Variants in CDH26 observed in about 807,000 individuals in gnomAD.
CDH26 encodes the protein cadherin-like protein 26.
In CDH26, 83 loss-of-function variants were observed where a neutral mutation model predicts 90.3. The observed-to-expected ratio is 0.92, with a 90% CI of 0.77 to 1.10. The LOEUF (loss-of-function observed/expected upper bound fraction) is 1.10, where lower values mean the gene tolerates loss of function less well. CDH26 is among the 50% of genes least tolerant of loss of function. The pLI, the probability that CDH26 is intolerant of heterozygous loss-of-function variation, is 0.00. For synonymous variants in CDH26, 397 were observed against 396.3 expected, an observed-to-expected ratio of 1.00 and a Z score of -0.02; for missense variants, 1,013 against 1,037.6, an observed-to-expected ratio of 0.98 and a Z score of 0.33.
chr20:59,996,230 C>A, intron 12 of CDH26, 176 bp downstream of exon 12: 1 of 1,008,924 alleles, frequency 9.9e-7, no homozygotes, highest in Non-Finnish European at 1.4e-6. Context: ...GCCATGCTGG[C>A]CAGGCAAGAT....
At chr20:59,980,572 A>G (rs1358771217) in intron 4 of CDH26, among the ~76,000 whole-genome samples, 1 of 152,212 alleles carries the variant, frequency 6.6e-6, no homozygotes, top group African/African-American at 2.4e-5. Context: ...TGCTGGGATT[A>G]CAGGCATGAG....
At position 59,992,495 on chromosome 20, in the gene CDH26, A is replaced by T. The variant is rs772375570; in HGVS notation, c.1401A>T (p.Val467=). The T allele has an allele frequency of 2.5e-6, 4 of 1,614,068 alleles. No individual in the cohort carries two copies. The Admixed American group carries it at 6.7e-5, about 27-fold the overall frequency. ...ESPHVNNSFY[V]IIIHAVDDGF... is the part of the protein sequence containing the mutation. ...CTCATGTAAATAACAGTTTTTATGT[A>T]ATCATCATTCACGCTGTTGATGATG... The change falls in exon 10 of 18, where the codon GTA becomes GTT. Residue 467 remains valine, a synonymous_variant. Transcript: ENST00000348616. The surrounding 1 kb of genome is among the most constrained non-coding windows in gnomAD (Gnocchi z 5.0).
rs6071044 is a variant in CDH26 at position 59,958,704 on chromosome 20, G to T, written c.-23G>T. Reference sequence around the variant, plus strand: ...GGACTGGTCATCAGCTGCACGTTCTGGGTCTGTCTTGGGTATTCCCATATG... The same window carrying T: ...GGACTGGTCATCAGCTGCACGTTCTTGGTCTGTCTTGGGTATTCCCATATG... On this transcript the variant is annotated 5_prime_UTR_variant, in exon 1 of 18. Transcript: ENST00000348616. 68,594 of 1,613,022 alleles carry T rather than the reference G, an allele frequency of 0.043. 1,648 individuals are homozygous for T. The highest frequency in any genetic ancestry group is 0.068 in the Middle Eastern group (413 of 6,058).
intron 8 of CDH26, among the ~76,000 whole-genome samples, chr20:59,988,339 G>C (rs1185787890): frequency 6.6e-6 from 1 of 152,162 alleles, no homozygotes; most frequent in Non-Finnish European, 1.5e-5. Context: ...GTCACCTGGC[G>C]ACAAGGCAGA....
chr20:60,012,543 A>G lies in CDH26; in HGVS notation c.2312A>G (p.Asn771Ser), dbSNP rs556979366. The G allele has an allele frequency of 3.1e-6, 5 of 1,612,870 alleles. No individual in the cohort carries two copies. Among genetic ancestry groups the G allele is most frequent in the African/African-American group, 1.3e-5 (1 of 74,982 alleles). ...TTTCCCCAGAAACTCCATGTTGCCA[A>G]TGTGCTGGAAGATGACCCCGGCTAC... ...ETLNQKLHVA[N>S]VLEDDPGYLP... The change falls in exon 18 of 18, where the codon AAT becomes AGT. Residue 771 changes from asparagine to serine, a missense_variant. By Grantham distance (46) the Asn-to-Ser change is conservative. Coordinates refer to ENST00000348616, the MANE Select transcript of CDH26 (RefSeq NM_177980.4).
At chr20:59,998,530 G>A (rs1184231941) in intron 13 of CDH26, among the ~76,000 whole-genome samples, 1 of 152,136 alleles carries the variant, frequency 6.6e-6, no homozygotes, top group Non-Finnish European at 1.5e-5. Flanking sequence ...CTATGCCAGT[G>A]GGACAAGAGA....
intron 4 of CDH26, 82 bp from the exon 5 acceptor site, chr20:59,982,841 C>A: frequency 6.7e-7 from 1 of 1,497,252 alleles, no homozygotes; most frequent in Non-Finnish European, 9.1e-7. Flanking sequence ...AGACGTAACA[C>A]ATAATTAGGA....
chr20:60,027,255 G>A (rs1241141467), intron 7 of CDH26, among the ~76,000 whole-genome samples: 1 of 152,114 alleles, frequency 6.6e-6, no homozygotes, highest in African/African-American at 2.4e-5. Context: ...AGTGGTGGGA[G>A]GGTGATGGTC....
chr20:59,968,747 T>C (rs1392270918), intron 1 of CDH26, among the ~76,000 whole-genome samples: 1 of 152,158 alleles, frequency 6.6e-6, no homozygotes, highest in Admixed American at 6.5e-5. Flanking sequence ...CCATTGGTAA[T>C]AATAAATCAG....
chr20:60,012,716 G>A lies in CDH26; in HGVS notation c.2485G>A (p.Gly829Ser), dbSNP rs775263918. 2.5e-5 allele frequency: 41 copies of A among 1,613,188 alleles called. No individual in the cohort carries two copies. In the Admixed American group the frequency reaches 5.2e-4, roughly 20 times the overall value. The change falls in exon 18 of 18, where the codon GGT becomes AGT. Residue 829 changes from glycine to serine, a missense_variant. By Grantham distance (56) the Gly-to-Ser change is moderately conservative. Transcript: ENST00000348616. ...GTTTGAGGAAATATATTCAGAGTCA[G>A]GTGTTCCTTCCTAAAAAAAAAAGTC... ...TPFEEIYSES[G>S]VPS
At chr20:60,023,508 G>A (rs1195685474) in intron 7 of CDH26, among the ~76,000 whole-genome samples, 1 of 151,948 alleles carries the variant, frequency 6.6e-6, no homozygotes, top group Non-Finnish European at 1.5e-5. Context: ...TTTTTGAAAA[G>A]CAGCCCATGT....
chr20:60,019,190 AGAATCTATTTGGAGT>A (rs1428023705), downstream of CDH26, among the ~76,000 whole-genome samples: 2 of 152,102 alleles, frequency 1.3e-5, no homozygotes, highest in Admixed American at 6.5e-5. Flanking sequence ...TGACTTGGAG[AGAATCTATTTGGAGT>A]GAATCTATTT....
intron 16 of CDH26, among the ~76,000 whole-genome samples, chr20:60,003,479 A>G (rs1018406519): frequency 6.6e-6 from 1 of 152,210 alleles, no homozygotes; most frequent in African/African-American, 2.4e-5. Flanking sequence ...TAAAGTATCA[A>G]GAAAATTTTG....
chr20:59,988,555 G>C (rs1183760718), intron 8 of CDH26, among the ~76,000 whole-genome samples: 2 of 152,106 alleles, frequency 1.3e-5, no homozygotes, highest in Non-Finnish European at 2.9e-5. Flanking sequence ...GAATAACTAT[G>C]ATCATTAATA....
chr20:60,004,747 C>T, intron 16 of CDH26, among the ~76,000 whole-genome samples: 1 of 117,722 alleles, frequency 8.5e-6, no homozygotes, highest in African/African-American at 3.5e-5. Context: ...GCCTGGGTGA[C>T]AGAGCGAGAC....
intron 7 of CDH26, among the ~76,000 whole-genome samples, chr20:60,026,945 T>C (rs1437243385): frequency 6.6e-6 from 1 of 152,210 alleles, no homozygotes; most frequent in Non-Finnish European, 1.5e-5. Flanking sequence ...GCTCATTAAG[T>C]GCTCACTGAG....
At position 59,992,228 on chromosome 20, in the gene CDH26, C is replaced by A; in HGVS notation, c.1284-150C>A. 1 of 742,402 alleles carries A rather than the reference C, an allele frequency of 1.3e-6. No individual in the cohort carries two copies. The highest frequency in any genetic ancestry group is 2.2e-6 in the Non-Finnish European group (1 of 461,892). The allele number at this position is 742,402 out of a possible 1,614,324, so 46.0% of individuals were successfully genotyped here. A position where few individuals can be genotyped will look rare whatever the true frequency, so the allele number is the denominator to read the frequency against. ...TTCCATTCCTTTCGTGAATTAAACACTCTCGTAGTTTAATTGCTCTTAGAA... is the reference window on the plus strand; with the variant it reads ...TTCCATTCCTTTCGTGAATTAAACAATCTCGTAGTTTAATTGCTCTTAGAA... On this transcript the variant is annotated intron_variant, in intron 9 of 17. Transcript: ENST00000348616. The surrounding 1 kb of genome is among the most constrained non-coding windows in gnomAD (Gnocchi z 5.0).
At chr20:59,977,669 CTA>C (rs2061343096) in intron 4 of CDH26, among the ~76,000 whole-genome samples, 3 of 138,122 alleles carry the variant, frequency 2.2e-5, no homozygotes, top group Admixed American at 7.3e-5. Context: ...TCCCCTCCCC[CTA>C]CCCCCTCCCT....
intron 17 of CDH26, 91 bp from the exon 18 acceptor site, chr20:60,012,436 C>A: frequency 8.2e-7 from 1 of 1,215,628 alleles, no homozygotes; most frequent in Non-Finnish European, 1.2e-6. Context: ...GTTACTACTG[C>A]ATTGATGTGT....
Sources: gnomAD v4.1 joint callset for allele counts (sites outside exome capture counted in the v4.1 genomes callset) on GRCh38, gnomAD v4.1.1 for gene constraint, Gnocchi (gnomAD v3.1) non-coding constraint, MANE v1.5 for transcripts, NCBI Gene and HGNC (gene_info 2026-07-23, HGNC 2026-07-21) for gene names.